The following MTRF1 variants were observed in gnomAD, a reference collection of about 807,000 sequenced individuals.
MTRF1 encodes the protein peptide chain release factor 1, mitochondrial.
A neutral mutation model predicts 62.9 loss-of-function variants in MTRF1; 51 were observed. The ratio of observed to expected loss-of-function variants is 0.81; its 90% CI spans 0.65 to 1.02. The LOEUF (loss-of-function observed/expected upper bound fraction) is 1.02. Among genes scored for constraint, MTRF1 ranks in the 50% least tolerant of loss-of-function variants. The probability of loss-of-function intolerance (pLI) is 0.00; values close to 1 mark genes in which losing one functional copy is unlikely to be tolerated. For synonymous variants in MTRF1, 158 were observed against 181.9 expected (o/e 0.87, Z 1.06); for missense variants, 446 against 530.0 (o/e 0.84, Z 1.56).
At chr13:41,283,676 G>A in the MTRF1 span, among the ~76,000 whole-genome samples, 5 of 129,760 alleles carry the variant, frequency 3.9e-5, no homozygotes, top group African/African-American at 5.9e-5. Flanking sequence ...TGCAAGCTCC[G>A]CCTCCCGGGT....
intron 7 of MTRF1, chr13:41,229,333 G>C (rs987855888): frequency 6.6e-6 from 1 of 152,156 alleles, no homozygotes; most frequent in African/African-American, 2.4e-5. Context: ...TTTGTGTTGT[G>C]AACATTCAAA....
chr13:41,260,788 T>G lies in MTRF1; in HGVS notation c.120A>C (p.Gln40His), dbSNP rs753463057. ...TGCAATTCCTGTTTTGTCTAAAAAC[T>G]TGCAGCCTTGTATCAAGATGTATCT... is the stretch of plus-strand genomic sequence containing the variant. ...FRQIHLDTRL[Q>H]VFRQNRNCIL... Residue 40 changes from glutamine (Q) to histidine (H), a missense_variant, in exon 2 of 10, where the codon CAA becomes CAC. Gln to His is a conservative substitution (Grantham distance 24, BLOSUM62 0). Transcript: ENST00000379480. 69 of 1,614,076 alleles carry G rather than the reference T, an allele frequency of 4.3e-5. No homozygotes were observed. The highest frequency in any genetic ancestry group is 8.0e-5 in the African/African-American group (6 of 74,940).
Position 41,226,516 on chromosome 13 carries a change from T to C in MTRF1, c.1041A>G (p.Ile347Met), listed in dbSNP as rs1210769053. Residue 347 changes from isoleucine (I) to methionine (M), a missense_variant, in exon 8 of 10, where the codon ATA becomes ATG. Ile to Met is a conservative substitution (Grantham distance 10, BLOSUM62 1). Coordinates refer to ENST00000379480, the MANE Select transcript of MTRF1 (RefSeq NM_004294.4). ...GTCTAGCTCTCAACACACGAAAGGC[T>C]ATTTCTTTATTTTTTATCTGTGATC... is the stretch of plus-strand genomic sequence containing the variant. ...QERSQIKNKE[I>M]AFRVLRARLY... 1 of 1,613,922 alleles carries C rather than the reference T, an allele frequency of 6.2e-7. No homozygotes were observed. Among genetic ancestry groups the C allele is most frequent in the Non-Finnish European group, 8.5e-7 (1 of 1,179,926 alleles).
At chr13:41,220,417 G>C (rs2033086949) in intron 9 of MTRF1, 2 of 361,968 alleles carry the variant, frequency 5.5e-6, no homozygotes, top group Non-Finnish European at 1.1e-5. Flanking sequence ...TATAGAGCAG[G>C]AGATAAGGCT....
the MTRF1 span, among the ~76,000 whole-genome samples, chr13:41,309,296 A>G: frequency 1.3e-5 from 2 of 151,000 alleles, no homozygotes; most frequent in Non-Finnish European, 2.9e-5. Context: ...GCACCTCAGC[A>G]TCCCAAGTAG....
chr13:41,230,317 T>A (rs1428100103), intron 7 of MTRF1, among the ~76,000 whole-genome samples: 1 of 151,524 alleles, frequency 6.6e-6, no homozygotes, highest in Non-Finnish European at 1.5e-5. Flanking sequence ...CAGGCTGGAG[T>A]GCAATGGCGT....
chr13:41,232,999 T>A (rs1212816930), intron 7 of MTRF1, among the ~76,000 whole-genome samples: 1 of 152,200 alleles, frequency 6.6e-6, no homozygotes. Context: ...TCTAACACTA[T>A]CTGTTCATTA....
At chr13:41,218,828 C>T (rs2032520087) in intron 9 of MTRF1, among the ~76,000 whole-genome samples, 1 of 152,090 alleles carries the variant, frequency 6.6e-6, no homozygotes, top group Non-Finnish European at 1.5e-5. Context: ...ACACACACAT[C>T]TCTCAAATTA....
At chr13:41,294,416 CA>C in the MTRF1 span, among the ~76,000 whole-genome samples, 11,412 of 79,278 alleles carry the variant, frequency 0.14, 484 homozygotes, top group Middle Eastern at 0.17. Context: ...GACTCCATCT[CA>C]AAAAAAAAAA....
chr13:41,291,023 G>A, the MTRF1 span, among the ~76,000 whole-genome samples: 1 of 151,536 alleles, frequency 6.6e-6, no homozygotes, highest in Admixed American at 6.6e-5. Context: ...TTGAACGTGG[G>A]AGGCGGAGGT....
At chr13:41,273,204 T>C in the MTRF1 span, among the ~76,000 whole-genome samples, 7 of 151,618 alleles carry the variant, frequency 4.6e-5, no homozygotes, top group African/African-American at 1.7e-4. Context: ...TGGGCGCCTG[T>C]AGTCCCAGTT....
chr13:41,234,393 G>A (rs943531234), intron 6 of MTRF1, among the ~76,000 whole-genome samples: 3 of 152,042 alleles, frequency 2.0e-5, no homozygotes, highest in South Asian at 2.1e-4. Context: ...TGCCCAGGCT[G>A]GTCTTGAACT....
chr13:41,248,552 A>G (rs182185654), intron 5 of MTRF1, among the ~76,000 whole-genome samples: 41 of 152,338 alleles, frequency 2.7e-4, no homozygotes, highest in Non-Finnish European at 4.6e-4. Flanking sequence ...AGGTTTCCCA[A>G]TTCAGTGACC....
the MTRF1 span, among the ~76,000 whole-genome samples, chr13:41,270,595 T>G: frequency 1.6e-4 from 24 of 152,104 alleles, no homozygotes; most frequent in African/African-American, 5.1e-4. Context: ...GGAAACAACT[T>G]AGGTGAAAAT....
At chr13:41,294,305 C>T in the MTRF1 span, among the ~76,000 whole-genome samples, 1 of 151,474 alleles carries the variant, frequency 6.6e-6, no homozygotes, top group Non-Finnish European at 1.5e-5. Flanking sequence ...GTAATTCCAG[C>T]TACTAGGGAG....
chr13:41,282,137 C>CA, the MTRF1 span, among the ~76,000 whole-genome samples: 3,035 of 79,236 alleles, frequency 0.038, 47 homozygotes, highest in Middle Eastern at 0.067. Context: ...GACTCCGTCT[C>CA]AAAAAAAAAA....
the MTRF1 span, among the ~76,000 whole-genome samples, chr13:41,285,818 T>C: frequency 6.6e-6 from 1 of 152,064 alleles, no homozygotes; most frequent in African/African-American, 2.4e-5. Context: ...TGGTGGCTCA[T>C]GCCTGTAATC....
chr13:41,265,265 A>G (rs928056035), upstream of MTRF1, among the ~76,000 whole-genome samples: 11 of 152,074 alleles, frequency 7.2e-5, 1 homozygote, highest in Admixed American at 5.9e-4. Context: ...TCTACTAAAA[A>G]TACAAAATTA....
In MTRF1 at chr13:41,260,572, C is replaced by T. The variant is rs761098233; in HGVS notation, c.336G>A (p.Glu112=). 2 of 1,614,166 alleles carry T rather than the reference C, an allele frequency of 1.2e-6. No individual in the cohort carries two copies. The highest frequency in any genetic ancestry group is 1.7e-6 in the Non-Finnish European group (2 of 1,180,036). Residue 112 remains glutamate (E), a synonymous_variant, in exon 2 of 10, where the codon GAG becomes GAA. Coordinates refer to ENST00000379480, the MANE Select transcript of MTRF1 (RefSeq NM_004294.4). ...NRRSLNRRHA[E]LAPLAAIYQE... Reference sequence around the variant, plus strand: ...GGTAAATGGCTGCAAGAGGTGCCAACTCAGCATGCCTTCTGTTCAAGGACC... The same window carrying T: ...GGTAAATGGCTGCAAGAGGTGCCAATTCAGCATGCCTTCTGTTCAAGGACC...
Sources: gnomAD v4.1 joint callset for allele counts (sites outside exome capture counted in the v4.1 genomes callset) on GRCh38, gnomAD v4.1.1 for gene constraint, MANE v1.5 for transcripts, NCBI Gene and HGNC (gene_info 2026-07-23, HGNC 2026-07-21) for gene names.